Variants in GPD2 observed in about 807,000 individuals in gnomAD.
GPD2 encodes glycerol-3-phosphate dehydrogenase 2.
A neutral mutation model predicts 82.4 loss-of-function variants in GPD2; 54 were observed. The observed-to-expected ratio is 0.66, with a 90% CI of 0.53 to 0.82. GPD2 has a LOEUF of 0.82. Ranked by LOEUF, GPD2 falls within the 40% of genes least tolerant of loss-of-function variation. The pLI is 0.00. For missense variants in GPD2, 748 were observed against 896.2 expected, an observed-to-expected ratio of 0.83 and a Z score of 2.11; for synonymous variants, 288 against 306.1, an observed-to-expected ratio of 0.94 and a Z score of 0.62.
At chr2:156,416,352 C>CTT in the GPD2 span, among the ~76,000 whole-genome samples, 3 of 142,788 alleles carry the variant, frequency 2.1e-5, no homozygotes, top group African/African-American at 2.6e-5. Flanking sequence ...TAAAATATTT[C>CTT]TTTTTTTTTT....
chr2:156,538,969 A>T (rs1369667500), intron 6 of GPD2, among the ~76,000 whole-genome samples: 1 of 152,190 alleles, frequency 6.6e-6, no homozygotes, highest in Non-Finnish European at 1.5e-5. Flanking sequence ...TTTTATAGTT[A>T]AAAAGATAAT....
At chr2:156,478,580 C>T (rs1683604233) in intron 2 of GPD2, among the ~76,000 whole-genome samples, 1 of 152,058 alleles carries the variant, frequency 6.6e-6, no homozygotes, top group South Asian at 2.1e-4. Context: ...CATAAAATGA[C>T]CACAGGCCTC....
At chr2:156,426,145 G>T in the GPD2 span, among the ~76,000 whole-genome samples, 2 of 152,034 alleles carry the variant, frequency 1.3e-5, no homozygotes, top group Middle Eastern at 3.4e-3. Flanking sequence ...GGATAGTCTC[G>T]ATCTCCTGAC....
the GPD2 span, among the ~76,000 whole-genome samples, chr2:156,426,602 C>CA: frequency 6.6e-6 from 1 of 152,184 alleles, no homozygotes; most frequent in Non-Finnish European, 1.5e-5. Context: ...TGGTGCTCAA[C>CA]AAATACCCAT....
chr2:156,458,721 G>A (rs1457672097), intron 1 of GPD2, among the ~76,000 whole-genome samples: 1 of 152,034 alleles, frequency 6.6e-6, no homozygotes, highest in Non-Finnish European at 1.5e-5. Flanking sequence ...TATGGGATTT[G>A]GTCAAATGTC....
chr2:156,427,567 T>C, the GPD2 span, among the ~76,000 whole-genome samples: 3 of 152,260 alleles, frequency 2.0e-5, no homozygotes, highest in Non-Finnish European at 4.4e-5. Flanking sequence ...TACATGGTTG[T>C]AAATTGCTTT....
At chr2:156,468,825 T>C (rs1040095622) in intron 1 of GPD2, among the ~76,000 whole-genome samples, 1 of 152,220 alleles carries the variant, frequency 6.6e-6, no homozygotes, top group Admixed American at 6.5e-5. Context: ...TAAGCATTTA[T>C]TTCTTTGTGT....
In GPD2 at chr2:156,526,716, G is replaced by A. The variant is rs151337889; in HGVS notation, c.661+13220G>A. Among the ~76,000 whole-genome samples the A allele has an allele frequency of 4.8e-4, 73 of 152,236 alleles. 2 individuals carry two copies. In the East Asian group the frequency reaches 0.013, roughly 28 times the overall value. On this transcript the variant is annotated intron_variant, in intron 6 of 16. Coordinates refer to ENST00000438166, the MANE Select transcript of GPD2 (RefSeq NM_000408.5). ...AAAATACTGCATTTTGAAGCTTGCA[G>A]TAACTATCTAATGAATTCGTCTCAG...
chr2:156,433,095 C>T (rs1452270956), upstream of GPD2, among the ~76,000 whole-genome samples: 2 of 152,158 alleles, frequency 1.3e-5, no homozygotes, highest in Non-Finnish European at 2.9e-5. Flanking sequence ...CTAACTTAAC[C>T]GACTGCAACT....
chr2:156,419,424 A>G, the GPD2 span, among the ~76,000 whole-genome samples: 2 of 152,330 alleles, frequency 1.3e-5, no homozygotes, highest in East Asian at 3.9e-4. Flanking sequence ...GCTTAGTTTT[A>G]TAAAGAAATG....
rs1688089110 is a variant in GPD2 at position 156,583,106 on chromosome 2, T to C, written c.*188T>C. On this transcript the variant is annotated 3_prime_UTR_variant, in exon 17 of 17. Coordinates refer to ENST00000438166, the MANE Select transcript of GPD2 (RefSeq NM_000408.5). ...TTATTTGCTGTACTTTATTTGTATT[T>C]GCCATTCAGTCTAGCTTTTAAGTAT... 1.6e-6 allele frequency: 1 copy of C among 644,978 alleles called. No individual in the cohort carries two copies. The highest frequency in any genetic ancestry group is 2.7e-6 in the Non-Finnish European group (1 of 363,798). 40.0% of individuals were successfully genotyped at this position (644,978 alleles called of 1,614,324 possible).
chr2:156,406,986 A>G, the GPD2 span, among the ~76,000 whole-genome samples: 1 of 152,180 alleles, frequency 6.6e-6, no homozygotes, highest in Non-Finnish European at 1.5e-5. Flanking sequence ...CAAGACGGGC[A>G]GATCACCTGA....
intron 3 of GPD2, among the ~76,000 whole-genome samples, chr2:156,509,117 T>G (rs1043391591): frequency 1.3e-5 from 2 of 152,198 alleles, no homozygotes; most frequent in Non-Finnish European, 1.5e-5. Flanking sequence ...GCTGAGAATT[T>G]TACAGGTCTT....
intron 1 of GPD2, among the ~76,000 whole-genome samples, chr2:156,453,376 A>G (rs1682681941): frequency 6.6e-6 from 1 of 152,236 alleles, no homozygotes; most frequent in Non-Finnish European, 1.5e-5. Flanking sequence ...GAAGGGCCAG[A>G]TAATGCCAAG....
chr2:156,445,683 G>A (rs1303026000), intron 1 of GPD2, among the ~76,000 whole-genome samples: 2 of 152,200 alleles, frequency 1.3e-5, no homozygotes, highest in Non-Finnish European at 2.9e-5. Flanking sequence ...ATGATTATGT[G>A]TATTGGAGAT....
chr2:156,511,591 C>T (rs1684999778), intron 4 of GPD2, among the ~76,000 whole-genome samples: 1 of 152,086 alleles, frequency 6.6e-6, no homozygotes, highest in African/African-American at 2.4e-5. Context: ...TATTTCTCTT[C>T]AGCATCATGA....
At chr2:156,496,533 A>C (rs1684386368) in intron 3 of GPD2, among the ~76,000 whole-genome samples, 1 of 152,194 alleles carries the variant, frequency 6.6e-6, no homozygotes, top group Admixed American at 6.5e-5. Context: ...TATAGTAGTG[A>C]GGACACATTT....
the GPD2 span, among the ~76,000 whole-genome samples, chr2:156,400,845 A>G: frequency 1.5e-4 from 23 of 152,290 alleles, no homozygotes; most frequent in Non-Finnish European, 2.2e-4. Context: ...TCTCCAAATC[A>G]GCCGACGTTT....
At chr2:156,561,336 G>A (rs180927065) in intron 9 of GPD2, among the ~76,000 whole-genome samples, 8 of 152,118 alleles carry the variant, frequency 5.3e-5, no homozygotes, top group Non-Finnish European at 8.8e-5. Flanking sequence ...GTGAGCCACC[G>A]CGCCCAGCCT....
Sources: gnomAD v4.1 joint callset for allele counts (sites outside exome capture counted in the v4.1 genomes callset) on GRCh38, gnomAD v4.1.1 for gene constraint, MANE v1.5 for transcripts, NCBI Gene and HGNC (gene_info 2026-07-23, HGNC 2026-07-21) for gene names.